Variants in KCNH4 observed in about 807,000 individuals in gnomAD.
The protein encoded by KCNH4 is voltage-gated delayed rectifier potassium channel KCNH4.
A neutral mutation model predicts 90.7 loss-of-function variants in KCNH4; 33 were observed. The observed-to-expected ratio is 0.36, with a 90% CI of 0.28 to 0.49. The LOEUF (loss-of-function observed/expected upper bound fraction) is 0.49, where lower values mean the gene tolerates loss of function less well. KCNH4 is among the 20% of genes least tolerant of loss of function. KCNH4 has a pLI of 0.98. For synonymous variants in KCNH4, 551 were observed against 581.7 expected (o/e 0.95, Z 0.76); for missense variants, 1,044 against 1,387.1 (o/e 0.75, Z 3.93).
At chr17:42,175,378 G>A (rs1598276729) in intron 6 of KCNH4, among the ~76,000 whole-genome samples, 1 of 152,234 alleles carries the variant, frequency 6.6e-6, no homozygotes, top group Non-Finnish European at 1.5e-5. Flanking sequence ...CAAAGATTGT[G>A]AGCTGAGCTC....
chr17:42,161,601 C>A (rs559759329), intron 15 of KCNH4, among the ~76,000 whole-genome samples: 1 of 152,232 alleles, frequency 6.6e-6, no homozygotes, highest in Admixed American at 6.5e-5. Context: ...CCTGCATCTG[C>A]TTAGCACTCA....
intron 15 of KCNH4, among the ~76,000 whole-genome samples, chr17:42,161,285 G>GC (rs2079746778): frequency 6.6e-6 from 1 of 152,226 alleles, no homozygotes; most frequent in Non-Finnish European, 1.5e-5. Context: ...ATTGAGGGAT[G>GC]CCTGAGGCCT....
In KCNH4 at chr17:42,163,566, A is replaced by C; in HGVS notation, c.2477+40T>G. 1 of 966,642 alleles carries C rather than the reference A, an allele frequency of 1.0e-6. No homozygotes were observed. The highest frequency in any genetic ancestry group is 1.6e-6 in the Non-Finnish European group (1 of 637,298). 59.9% of individuals were successfully genotyped at this position (966,642 alleles called of 1,614,324 possible). ...GAGCCCAGAGAAGGTTCTGGAAGCCAATAGGGGTTTTGGGAAAGCAGGGGA... is the reference window on the plus strand; with the variant it reads ...GAGCCCAGAGAAGGTTCTGGAAGCCCATAGGGGTTTTGGGAAAGCAGGGGA... On this transcript the variant is annotated intron_variant, in intron 13 of 16. Transcript: ENST00000264661. This position sits in a 1 kb window ranked among gnomAD's most constrained non-coding sequence, Gnocchi z 5.4.
rs1271230520 is a variant in KCNH4, at chr17:42,180,588, G to C, written c.76+282C>G. ...CCCAGCACAGCTCTGCCCGAGAGTG[G>C]GCGGCTCCGAAGGACCCTCCTCCGC... On this transcript the variant is annotated intron_variant, in intron 1 of 16. Coordinates refer to ENST00000264661, the MANE Select transcript of KCNH4 (RefSeq NM_012285.3). This position sits in a 1 kb window ranked among gnomAD's most constrained non-coding sequence, Gnocchi z 4.7. 6.6e-6 allele frequency among the ~76,000 whole-genome samples: 1 copy of C among 151,836 alleles called. No homozygotes were observed. Among genetic ancestry groups the C allele is most frequent in the Non-Finnish European group, 1.5e-5 (1 of 67,944 alleles).
chr17:42,170,879 G>A (rs2079822321), intron 7 of KCNH4, among the ~76,000 whole-genome samples: 1 of 152,230 alleles, frequency 6.6e-6, no homozygotes, highest in Non-Finnish European at 1.5e-5. Context: ...AGACAAAAGA[G>A]GAGGATTCCA....
chr17:42,161,719 T>C (rs2079749810), intron 15 of KCNH4, among the ~76,000 whole-genome samples: 2 of 152,116 alleles, frequency 1.3e-5, no homozygotes, highest in Non-Finnish European at 1.5e-5. Flanking sequence ...CTTGAGCCAG[T>C]CGGGGAGGAA....
chr17:42,170,143 C>T lies in KCNH4; in HGVS notation c.1354G>A (p.Glu452Lys). The change falls in exon 8 of 17, where the codon GAG (glutamate) becomes AAG (lysine). Residue 452 changes from glutamate (E) to lysine (K), a missense_variant. Transcript: ENST00000264661. Reference protein sequence around the residue: ...FGNVCANTDAEKIFSICTMLI... With the variant: ...FGNVCANTDAKKIFSICTMLI... ...ATCGTGCAGATGGAGAAGATCTTCT[C>T]CGCGTCGGTGTTGGCACACACGTTG... 6.2e-7 allele frequency: 1 copy of T among 1,613,072 alleles called. No individual in the cohort carries two copies.
At chr17:42,165,998 A>G (rs1387188572) in intron 10 of KCNH4, among the ~76,000 whole-genome samples, 1 of 152,012 alleles carries the variant, frequency 6.6e-6, no homozygotes, top group Non-Finnish European at 1.5e-5. Flanking sequence ...AATGGAGTTT[A>G]GGGTCACTGG....
At chr17:42,167,309 C>G (rs928946427) in intron 9 of KCNH4, among the ~76,000 whole-genome samples, 1 of 152,148 alleles carries the variant, frequency 6.6e-6, no homozygotes, top group African/African-American at 2.4e-5. Flanking sequence ...CTCTGTTACC[C>G]AAGCTGGAGT....
chr17:42,178,207 C>G lies in KCNH4; in HGVS notation c.478G>C (p.Gly160Arg). The G allele has an allele frequency of 1.2e-6, 2 of 1,614,204 alleles. No homozygotes were observed. The highest frequency in any genetic ancestry group is 1.7e-6 in the Non-Finnish European group (2 of 1,180,046). Residue 160 changes from glycine (G) to arginine (R), a missense_variant, in exon 4 of 17, where the codon GGA (glycine) becomes CGA (arginine). Gly to Arg is a moderately radical substitution (Grantham distance 125, BLOSUM62 -2). Transcript: ENST00000264661. ...SNHENSLGRRGATWKFRSARR... is the reference protein window; with the variant it reads ...SNHENSLGRRRATWKFRSARR... ...GCAGACCGAAATTTCCAGGTGGCTCCCCTTCTACCAAGGGAGTTTTCTGTT... is the reference window on the plus strand; with the variant it reads ...GCAGACCGAAATTTCCAGGTGGCTCGCCTTCTACCAAGGGAGTTTTCTGTT...
rs558665716 is a variant in KCNH4 at position 42,163,819 on chromosome 17, C to T, written c.2264G>A (p.Arg755Gln). 3.5e-5 allele frequency: 54 copies of T among 1,522,224 alleles called. 1 individual carries two copies. The Admixed American group carries it at 6.2e-4, about 18-fold the overall frequency. The allele number at this position is 1,522,224 out of a possible 1,614,324, so 94.3% of individuals were successfully genotyped here. A position where few individuals can be genotyped will look rare whatever the true frequency, so the allele number is the denominator to read the frequency against. ...GCCCAAAAGGCTGACCAGGGAGCCC[C>T]GAGGCCGTGCTGGGCTGAGGTTGGG... ...LLPNLSPARPRGSLVSLLGEE... is the reference protein window; with the variant it reads ...LLPNLSPARPQGSLVSLLGEE... Residue 755 changes from arginine (R) to glutamine (Q), a missense_variant, in exon 13 of 17, where the codon CGG becomes CAG. Physicochemically the swap from Arg to Gln is conservative, Grantham distance 43. Coordinates refer to ENST00000264661, the MANE Select transcript of KCNH4 (RefSeq NM_012285.3). This position sits in a 1 kb window ranked among gnomAD's most constrained non-coding sequence, Gnocchi z 5.4.
intron 8 of KCNH4, 45 bp downstream of exon 8, chr17:42,170,062 T>C: frequency 6.5e-7 from 1 of 1,530,948 alleles, no homozygotes; most frequent in Non-Finnish European, 8.8e-7. Context: ...CCGTGCATGC[T>C]GGGCTTCGCA....
intron 10 of KCNH4, 116 bp downstream of exon 10, chr17:42,166,181 T>C: frequency 7.7e-7 from 1 of 1,301,428 alleles, no homozygotes; most frequent in Non-Finnish European, 1.0e-6. Flanking sequence ...CAGCAGGAAC[T>C]GTAGGTATCC....
chr17:42,169,453 A>G (rs748776316), intron 9 of KCNH4, 24 bp downstream of exon 9: 7 of 1,609,854 alleles, frequency 4.3e-6, no homozygotes, highest in Admixed American at 1.7e-5. Context: ...GGGCAAGGGC[A>G]AGATTGGAGA....
At chr17:42,162,017 C>T (rs1034354258) in intron 15 of KCNH4, among the ~76,000 whole-genome samples, 1 of 147,034 alleles carries the variant, frequency 6.8e-6, no homozygotes, top group Non-Finnish European at 1.5e-5. Context: ...AGTGCAATGG[C>T]GCAATTTTGT....
chr17:42,166,909 C>A (rs559393368), intron 9 of KCNH4, among the ~76,000 whole-genome samples: 1 of 152,176 alleles, frequency 6.6e-6, no homozygotes, highest in African/African-American at 2.4e-5. Context: ...AACCCATTTC[C>A]GCTCGCTGGG....
chr17:42,159,099 C>T (rs2079727966), intron 16 of KCNH4, among the ~76,000 whole-genome samples: 1 of 152,074 alleles, frequency 6.6e-6, no homozygotes, highest in Non-Finnish European at 1.5e-5. Context: ...GCGATCTTGG[C>T]TCACTGCAAC....
Position 42,175,801 on chromosome 17 carries a change from G to A in KCNH4, c.830-65C>T, listed in dbSNP as rs541106651. ...AGGGGTCAAGAAACCGACAAAGCTG[G>A]GAACAAGCTTTGGAGACTGGAGGAG... On this transcript the variant is annotated intron_variant, in intron 5 of 16. Coordinates refer to ENST00000264661, the MANE Select transcript of KCNH4 (RefSeq NM_012285.3). The A allele has an allele frequency of 4.4e-6, 7 of 1,587,816 alleles. No homozygotes were observed. The East Asian group carries it at 1.1e-4, about 25-fold the overall frequency.
In KCNH4 at chr17:42,180,352, C is replaced by G. The variant is rs2079892792; in HGVS notation, c.76+518G>C. Reference sequence around the variant, plus strand: ...CGAGCTGGGAGTTCCCACCGTCGCACAGACCGCTCCCCTCCTCCTGCCTCA... The same window carrying G: ...CGAGCTGGGAGTTCCCACCGTCGCAGAGACCGCTCCCCTCCTCCTGCCTCA... On this transcript the variant is annotated intron_variant, in intron 1 of 16. Transcript: ENST00000264661. The surrounding 1 kb of genome is among the most constrained non-coding windows in gnomAD (Gnocchi z 4.7). Among the ~76,000 whole-genome samples the G allele has an allele frequency of 6.6e-6, 1 of 152,166 alleles. No individual in the cohort carries two copies. Among genetic ancestry groups the G allele is most frequent in the Non-Finnish European group, 1.5e-5 (1 of 68,016 alleles).
Sources: gnomAD v4.1 joint callset for allele counts (sites outside exome capture counted in the v4.1 genomes callset) on GRCh38, gnomAD v4.1.1 for gene constraint, Gnocchi (gnomAD v3.1) non-coding constraint, MANE v1.5 for transcripts, NCBI Gene and HGNC (gene_info 2026-07-23, HGNC 2026-07-21) for gene names.